Variants in CCSER1 observed in about 807,000 individuals in gnomAD.
CCSER1 encodes coiled-coil serine rich protein 1.
In CCSER1, 41 loss-of-function variants were observed where a neutral mutation model predicts 82.0. The observed-to-expected ratio is 0.50, with a 90% CI of 0.39 to 0.65. CCSER1 has a LOEUF of 0.65. Ranked by LOEUF, CCSER1 falls within the 30% of genes least tolerant of loss-of-function variation. The pLI, the probability that CCSER1 is intolerant of heterozygous loss-of-function variation, is 0.00. For missense variants in CCSER1, 1,119 were observed against 1,064.2 expected, an observed-to-expected ratio of 1.05 and a Z score of -0.72; for synonymous variants, 414 against 383.9, an observed-to-expected ratio of 1.08 and a Z score of -0.92.
intron 9 of CCSER1, among the ~76,000 whole-genome samples, chr4:90,953,812 T>C (rs1034000258): frequency 2.8e-4 from 43 of 152,110 alleles, no homozygotes; most frequent in African/African-American, 1.0e-3. Flanking sequence ...GATTTGTATC[T>C]GTAAACACTC....
intron 10 of CCSER1, among the ~76,000 whole-genome samples, chr4:91,307,355 A>G (rs1032335285): frequency 4.4e-5 from 3 of 68,068 alleles, no homozygotes; most frequent in Non-Finnish European, 6.4e-5. Flanking sequence ...AACTTTTTCT[A>G]TGATGCTTTT....
intron 1 of CCSER1, among the ~76,000 whole-genome samples, chr4:90,169,383 C>T (rs1292160472): frequency 3.3e-5 from 5 of 152,004 alleles, no homozygotes; most frequent in African/African-American, 1.2e-4. Flanking sequence ...TGGGCTGAGA[C>T]GATGGGGTTT....
chr4:91,546,451 A>G (rs1360894120), intron 10 of CCSER1, among the ~76,000 whole-genome samples: 1 of 151,986 alleles, frequency 6.6e-6, no homozygotes, highest in Non-Finnish European at 1.5e-5. Context: ...CAGATTATCT[A>G]TTTTTGTATG....
At chr4:90,392,474 A>C in intron 3 of CCSER1, among the ~76,000 whole-genome samples, 1 of 152,044 alleles carries the variant, frequency 6.6e-6, no homozygotes. Context: ...TTTTCTCAGC[A>C]TAAGAGGAAG....
chr4:90,786,099 G>C (rs183336709), intron 7 of CCSER1, among the ~76,000 whole-genome samples: 1 of 152,170 alleles, frequency 6.6e-6, no homozygotes, highest in Non-Finnish European at 1.5e-5. Context: ...TTCTTTGTCA[G>C]ATACTTTCTC....
intron 5 of CCSER1, among the ~76,000 whole-genome samples, chr4:90,627,767 T>C (rs1579567241): frequency 6.6e-6 from 1 of 151,964 alleles, no homozygotes; most frequent in Admixed American, 6.6e-5. Flanking sequence ...GATCACGAGG[T>C]CAGGAGATTG....
intron 9 of CCSER1, among the ~76,000 whole-genome samples, chr4:90,988,673 C>T (rs1254875586): frequency 6.6e-6 from 1 of 151,692 alleles, no homozygotes; most frequent in South Asian, 2.1e-4. Flanking sequence ...ACTATAAATA[C>T]TTATAATGAC....
intron 9 of CCSER1, among the ~76,000 whole-genome samples, chr4:90,995,307 A>G (rs987938495): frequency 2.0e-5 from 3 of 152,158 alleles, no homozygotes; most frequent in Non-Finnish European, 2.9e-5. Flanking sequence ...TTAAGCTTTC[A>G]TGATATATTT....
chr4:90,355,445 T>C (rs903893229), intron 3 of CCSER1, among the ~76,000 whole-genome samples: 2 of 152,052 alleles, frequency 1.3e-5, no homozygotes, highest in African/African-American at 4.8e-5. Context: ...TTTATTTACT[T>C]TTTGTAATCC....
chr4:91,107,774 A>G (rs1725765582), intron 10 of CCSER1, among the ~76,000 whole-genome samples: 4 of 152,126 alleles, frequency 2.6e-5, no homozygotes, highest in Admixed American at 2.6e-4. Context: ...GTGTGTGGGA[A>G]AGACATTAAG....
intron 1 of CCSER1, among the ~76,000 whole-genome samples, chr4:90,256,342 T>C (rs1322946490): frequency 6.6e-6 from 1 of 152,124 alleles, no homozygotes; most frequent in Admixed American, 6.6e-5. Context: ...TGTTCTAGTG[T>C]CTTGTGTATG....
chr4:90,202,403 G>A (rs756433440), intron 1 of CCSER1, among the ~76,000 whole-genome samples: 64 of 152,088 alleles, frequency 4.2e-4, no homozygotes, highest in Non-Finnish European at 7.6e-4. Context: ...GGGTTTTGCC[G>A]TGTTGTCCAG....
At chr4:91,198,240 A>G (rs951512786) in intron 10 of CCSER1, among the ~76,000 whole-genome samples, 1 of 152,168 alleles carries the variant, frequency 6.6e-6, no homozygotes, top group African/African-American at 2.4e-5. Context: ...TTTTTATTAG[A>G]GATGACACAC....
At chr4:90,294,049 GT>G (rs1251267785) in intron 1 of CCSER1, among the ~76,000 whole-genome samples, 3 of 151,958 alleles carry the variant, frequency 2.0e-5, no homozygotes, top group African/African-American at 7.2e-5. Flanking sequence ...GAATTATTGT[GT>G]TGTTAAAATA....
In CCSER1 at chr4:91,491,615, A is replaced by G. The variant is rs1758547272; in HGVS notation, c.2218-106957A>G. Among the ~76,000 whole-genome samples, 3 of 152,144 alleles carry G rather than the reference A, an allele frequency of 2.0e-5. No homozygotes were observed. In the South Asian group the frequency reaches 6.2e-4, roughly 31 times the overall value. On this transcript the variant is annotated intron_variant, in intron 10 of 10. Coordinates refer to ENST00000509176, the MANE Select transcript of CCSER1 (RefSeq NM_001145065.2). ...TACCAAAACCATATGTGAGCATTTTAAAAACTTATTTACCTTATCTCTTTT... is the reference window on the plus strand; with the variant it reads ...TACCAAAACCATATGTGAGCATTTTGAAAACTTATTTACCTTATCTCTTTT...
chr4:90,638,781 G>A (rs1217353863), intron 6 of CCSER1, among the ~76,000 whole-genome samples: 1 of 152,056 alleles, frequency 6.6e-6, no homozygotes, highest in Non-Finnish European at 1.5e-5. Context: ...GATTAGAGAA[G>A]GTGGAGAAAA....
intron 10 of CCSER1, among the ~76,000 whole-genome samples, chr4:91,538,877 T>C (rs190943452): frequency 6.6e-6 from 1 of 151,698 alleles, no homozygotes; most frequent in African/African-American, 2.4e-5. Flanking sequence ...TATAAATTGT[T>C]AGTGTAGTCT....
At chr4:90,845,821 C>A (rs186070127) in intron 8 of CCSER1, among the ~76,000 whole-genome samples, 25,355 of 144,502 alleles carry the variant, frequency 0.18, 2,521 homozygotes, top group South Asian at 0.28. Context: ...AAAAAAAAAA[C>A]CAGATTTTCT....
At chr4:90,691,935 G>GT (rs1305285079) in intron 6 of CCSER1, among the ~76,000 whole-genome samples, 2 of 151,144 alleles carry the variant, frequency 1.3e-5, no homozygotes, top group African/African-American at 4.9e-5. Context: ...CTTATATTAA[G>GT]TGACATGTTA....
Sources: gnomAD v4.1 joint callset for allele counts (sites outside exome capture counted in the v4.1 genomes callset) on GRCh38, gnomAD v4.1.1 for gene constraint, MANE v1.5 for transcripts, NCBI Gene and HGNC (gene_info 2026-07-23, HGNC 2026-07-21) for gene names.